The following XKR4 variants were observed in gnomAD, a reference collection of about 807,000 sequenced individuals.
XKR4 encodes the protein XK related 4, also known as XK-related protein 4.
XKR4 carries 12 observed loss-of-function variants against 53.9 expected under a neutral mutation model. The ratio of observed to expected loss-of-function variants is 0.22; its 90% CI spans 0.14 to 0.36. The LOEUF (loss-of-function observed/expected upper bound fraction) is 0.36, where lower values mean the gene tolerates loss of function less well. Ranked by LOEUF, XKR4 falls within the 10% of genes least tolerant of loss-of-function variation. XKR4 has a pLI of 1.00. For synonymous variants in XKR4, 354 were observed against 362.4 expected, an observed-to-expected ratio of 0.98 and a Z score of 0.26; for missense variants, 799 against 859.5, an observed-to-expected ratio of 0.93 and a Z score of 0.88.
At position 55,269,202 on chromosome 8, in the gene XKR4, A is replaced by C. The variant is rs73682937; in HGVS notation, c.807-88476A>C. On this transcript the variant is annotated intron_variant, in intron 1 of 2. Transcript: ENST00000327381. ...ACAATGTAATACATTTTTTTAAATA[A>C]ACTTCCTGTATTTTGGGCATTAGGG... Among the ~76,000 whole-genome samples the C allele has an allele frequency of 3.6e-3, 554 of 152,194 alleles. 5 individuals are homozygous for C. Among genetic ancestry groups the C allele is most frequent in the African/African-American group, 0.012 (501 of 41,542 alleles).
chr8:55,372,204 G>T (rs1804077913), intron 2 of XKR4, among the ~76,000 whole-genome samples: 1 of 152,196 alleles, frequency 6.6e-6, no homozygotes, highest in Non-Finnish European at 1.5e-5. Flanking sequence ...TGCAAGGAAT[G>T]GTGCCCCAAA....
chr8:55,168,933 T>C (rs1817109621), intron 1 of XKR4, among the ~76,000 whole-genome samples: 1 of 152,214 alleles, frequency 6.6e-6, no homozygotes, highest in African/African-American at 2.4e-5. Context: ...CCTAGCAAAC[T>C]GCAGGCCTAT....
In XKR4 at chr8:55,534,363, C is replaced by CGTTTTTTTTTTTTTTT. The variant is rs1418801179; in HGVS notation, c.*10136_*10137insGTTTTTTTTTTTTTTT. 2.1e-5 allele frequency: 1 copy of CGTTTTTTTTTTTTTTT among 47,130 alleles called. No homozygotes were observed. Among genetic ancestry groups the CGTTTTTTTTTTTTTTT allele is most frequent in the Non-Finnish European group, 3.8e-5 (1 of 26,628 alleles). The allele number at this position is 47,130 out of a possible 1,614,324, so 2.9% of individuals were successfully genotyped here. A position where few individuals can be genotyped will look rare whatever the true frequency, so the allele number is the denominator to read the frequency against. On this transcript the variant is annotated 3_prime_UTR_variant, in exon 3 of 3. Coordinates refer to ENST00000327381, the MANE Select transcript of XKR4 (RefSeq NM_052898.2). ...GCTCAAAGATCACGAATCTGATATTCTTTTTTTTTTTTTTTTTTTTTTTTT... is the reference window on the plus strand; with the variant it reads ...GCTCAAAGATCACGAATCTGATATTCGTTTTTTTTTTTTTTTTTTTTTTTTTTTTTTTTTTTTTTTT...
intron 1 of XKR4, among the ~76,000 whole-genome samples, chr8:55,186,246 G>A (rs907078543): frequency 6.6e-6 from 1 of 152,112 alleles, no homozygotes; most frequent in South Asian, 2.1e-4. Flanking sequence ...GATTTAAAAG[G>A]TCTTCTCTTC....
At chr8:55,497,673 T>G (rs1741361050) in intron 2 of XKR4, among the ~76,000 whole-genome samples, 1 of 152,222 alleles carries the variant, frequency 6.6e-6, no homozygotes, top group African/African-American at 2.4e-5. Context: ...AATGCAAGTG[T>G]CAAAGACAAA....
At chr8:55,360,529 A>C (rs1803885924) in intron 2 of XKR4, among the ~76,000 whole-genome samples, 1 of 152,392 alleles carries the variant, frequency 6.6e-6, no homozygotes, top group East Asian at 1.9e-4. Context: ...GTGAAAACAC[A>C]GCCCTCTGCT....
chr8:55,240,282 A>G (rs1818193116), intron 1 of XKR4, among the ~76,000 whole-genome samples: 1 of 152,256 alleles, frequency 6.6e-6, no homozygotes, highest in South Asian at 2.1e-4. Context: ...CACAGATCAA[A>G]TACATAAGAA....
chr8:55,142,976 A>T (rs1327751975), intron 1 of XKR4, among the ~76,000 whole-genome samples: 1 of 152,076 alleles, frequency 6.6e-6, no homozygotes, highest in East Asian at 1.9e-4. Context: ...AATACTCTGA[A>T]TTCATTTGCC....
intron 2 of XKR4, among the ~76,000 whole-genome samples, chr8:55,397,600 A>G (rs919816184): frequency 7.1e-6 from 1 of 141,266 alleles, no homozygotes. Flanking sequence ...TTTTTTTTCT[A>G]GGAACTACTT....
At chr8:55,352,226 T>C (rs1261936682) in intron 1 of XKR4, among the ~76,000 whole-genome samples, 1 of 152,190 alleles carries the variant, frequency 6.6e-6, no homozygotes, top group Non-Finnish European at 1.5e-5. Flanking sequence ...AATTCTTGAG[T>C]ATTATAAAAT....
chr8:55,369,003 A>G (rs1036823682), intron 2 of XKR4, among the ~76,000 whole-genome samples: 1 of 152,176 alleles, frequency 6.6e-6, no homozygotes, highest in African/African-American at 2.4e-5. Context: ...ATATTATTAA[A>G]GATAAAATAG....
chr8:55,476,768 C>T (rs571781655), intron 2 of XKR4, among the ~76,000 whole-genome samples: 1 of 152,224 alleles, frequency 6.6e-6, no homozygotes, highest in East Asian at 1.9e-4. Flanking sequence ...TCAGAGGGTC[C>T]TATGCCCATG....
intron 2 of XKR4, among the ~76,000 whole-genome samples, chr8:55,468,242 T>C (rs1805811545): frequency 6.6e-6 from 1 of 152,104 alleles, no homozygotes; most frequent in Non-Finnish European, 1.5e-5. Flanking sequence ...TCTAAATGAC[T>C]TGGTCGTGGG....
At chr8:55,511,322 G>C (rs193284570) in intron 2 of XKR4, among the ~76,000 whole-genome samples, 1 of 152,322 alleles carries the variant, frequency 6.6e-6, no homozygotes, top group East Asian at 1.9e-4. Flanking sequence ...ATTTCTGCCA[G>C]AAATTATTTG....
At chr8:55,303,169 C>T (rs1457642547) in intron 1 of XKR4, among the ~76,000 whole-genome samples, 1 of 152,082 alleles carries the variant, frequency 6.6e-6, no homozygotes, top group Non-Finnish European at 1.5e-5. Context: ...GAGATAGGTC[C>T]CATGAATACC....
chr8:55,471,508 G>A (rs1441309334), intron 2 of XKR4, among the ~76,000 whole-genome samples: 1 of 152,094 alleles, frequency 6.6e-6, no homozygotes. Context: ...AGGGATTCTG[G>A]TGTTCACTAA....
In XKR4 at chr8:55,171,336, G is replaced by A. The variant is rs554873622; in HGVS notation, c.806+68042G>A. Among the ~76,000 whole-genome samples, 6 of 152,284 alleles carry A rather than the reference G, an allele frequency of 3.9e-5. No homozygotes were observed. In the South Asian group the frequency reaches 1.2e-3, roughly 32 times the overall value. ...TGGTGGGAGACACAATGGAGAGAAG[G>A]GAAGAGATGAGGCTTGGGGACAGGC... On this transcript the variant is annotated intron_variant, in intron 1 of 2. Coordinates refer to ENST00000327381, the MANE Select transcript of XKR4 (RefSeq NM_052898.2).
intron 1 of XKR4, among the ~76,000 whole-genome samples, chr8:55,351,466 T>C (rs1803721306): frequency 6.6e-6 from 1 of 152,140 alleles, no homozygotes; most frequent in African/African-American, 2.4e-5. Context: ...GTTTGTAGCT[T>C]TTTAGCCTAT....
At chr8:55,257,869 CT>C (rs1339224008) in intron 1 of XKR4, among the ~76,000 whole-genome samples, 5 of 152,144 alleles carry the variant, frequency 3.3e-5, no homozygotes, top group African/African-American at 9.7e-5. Context: ...TATTTGTTTT[CT>C]TCATACACAA....
Sources: gnomAD v4.1 joint callset for allele counts (sites outside exome capture counted in the v4.1 genomes callset) on GRCh38, gnomAD v4.1.1 for gene constraint, MANE v1.5 for transcripts, NCBI Gene and HGNC (gene_info 2026-07-23, HGNC 2026-07-21) for gene names.